The following ELOVL7 variants were observed in gnomAD, a reference collection of about 807,000 sequenced individuals.
ELOVL7 encodes ELOVL fatty acid elongase 7.
A neutral mutation model predicts 35.7 loss-of-function variants in ELOVL7; 27 were observed. The ratio of observed to expected loss-of-function variants is 0.76; its 90% CI spans 0.56 to 1.04. ELOVL7 has a LOEUF of 1.04. ELOVL7 is among the 50% of genes least tolerant of loss of function. ELOVL7 has a pLI of 0.00. For synonymous variants in ELOVL7, 113 were observed against 114.6 expected (o/e 0.99, Z 0.09); for missense variants, 327 against 340.8 (o/e 0.96, Z 0.32).
chr5:60,823,548 TAA>T (rs1236138723), intron 1 of ELOVL7, among the ~76,000 whole-genome samples: 1 of 152,122 alleles, frequency 6.6e-6, no homozygotes, highest in Non-Finnish European at 1.5e-5. Context: ...GACTAAAAAT[TAA>T]AGAGGATTCA....
Position 60,766,616 on chromosome 5 carries a change from G to A in ELOVL7, c.351C>T (p.Cys117=), listed in dbSNP as rs1226030294. The A allele has an allele frequency of 2.5e-6, 4 of 1,612,866 alleles. No individual in the cohort carries two copies. Among genetic ancestry groups the A allele is most frequent in the Non-Finnish European group, 3.4e-6 (4 of 1,179,374 alleles). The part of the protein sequence containing the change: ...SPTALRMART[C]WLYYFSKFIE... ...TAAATTTGGAGAAGTAATAAAGCCA[G>A]CAGGTACGTGCCATCTGCAGAAGCA... Residue 117 remains cysteine, a synonymous_variant, in exon 6 of 9, where the codon TGC becomes TGT. Transcript: ENST00000508821.
chr5:60,807,786 T>A (rs1745016290), intron 1 of ELOVL7, among the ~76,000 whole-genome samples: 2 of 151,208 alleles, frequency 1.3e-5, no homozygotes, highest in South Asian at 4.2e-4. Flanking sequence ...GATCACAAGG[T>A]CAGGAGATCG....
intron 8 of ELOVL7, among the ~76,000 whole-genome samples, chr5:60,755,354 T>C (rs1000946237): frequency 2.0e-5 from 3 of 152,188 alleles, no homozygotes; most frequent in Non-Finnish European, 2.9e-5. Context: ...TGTCCTCCAC[T>C]GTCACAGATA....
chr5:60,761,615 C>A (rs996960190), intron 7 of ELOVL7, among the ~76,000 whole-genome samples: 2 of 151,882 alleles, frequency 1.3e-5, no homozygotes, highest in African/African-American at 4.8e-5. Flanking sequence ...GAGATTGTGA[C>A]GGGTATTGAA....
chr5:60,756,875 T>C (rs2112119146), intron 8 of ELOVL7, among the ~76,000 whole-genome samples: 1 of 152,280 alleles, frequency 6.6e-6, no homozygotes, highest in East Asian at 1.9e-4. Flanking sequence ...CAAATCATCA[T>C]CTCAAACCCA....
intron 5 of ELOVL7, among the ~76,000 whole-genome samples, 198 bp from the exon 6 acceptor site, chr5:60,766,828 A>G (rs1051018514): frequency 6.6e-6 from 1 of 152,172 alleles, no homozygotes; most frequent in Non-Finnish European, 1.5e-5. Flanking sequence ...TTCATCTTGC[A>G]AAATTGAAGC....
chr5:60,771,045 G>A (rs1386342759), intron 4 of ELOVL7, among the ~76,000 whole-genome samples: 3 of 152,184 alleles, frequency 2.0e-5, no homozygotes, highest in Non-Finnish European at 2.9e-5. Flanking sequence ...TCTGTAGCAA[G>A]AGTCAGGTCA....
chr5:60,769,562 T>G (rs953655104), intron 4 of ELOVL7, among the ~76,000 whole-genome samples: 4 of 152,212 alleles, frequency 2.6e-5, no homozygotes, highest in Non-Finnish European at 5.9e-5. Flanking sequence ...ACATCATTGG[T>G]AGAGGTGTTT....
intron 1 of ELOVL7, among the ~76,000 whole-genome samples, chr5:60,819,780 T>A (rs768543954): frequency 7.9e-5 from 12 of 152,066 alleles, no homozygotes; most frequent in Non-Finnish European, 1.8e-4. Flanking sequence ...TGAGACTCTG[T>A]CTCGAGAGAA....
intron 6 of ELOVL7, among the ~76,000 whole-genome samples, chr5:60,765,626 G>C (rs1411529000): frequency 6.6e-6 from 1 of 152,088 alleles, no homozygotes. Flanking sequence ...CCCATCCAAG[G>C]CCTAGTGAAT....
chr5:60,774,914 C>T (rs1367535840), intron 3 of ELOVL7, among the ~76,000 whole-genome samples: 16 of 151,954 alleles, frequency 1.1e-4, no homozygotes, highest in Middle Eastern at 3.4e-3. Flanking sequence ...TACAGGTGCC[C>T]GCCACCATGC....
chr5:60,781,754 C>T (rs957236073), intron 3 of ELOVL7, among the ~76,000 whole-genome samples: 2 of 152,172 alleles, frequency 1.3e-5, no homozygotes, highest in African/African-American at 4.8e-5. Flanking sequence ...CAGCAAAACT[C>T]TGGAGTCAGA....
At position 60,752,895 on chromosome 5, in the gene ELOVL7, AT is replaced by A. The variant is rs1741344389; in HGVS notation, c.*1728del. The A allele has an allele frequency of 6.6e-6, 1 of 152,104 alleles. No homozygotes were observed. The highest frequency in any genetic ancestry group is 1.5e-5 in the Non-Finnish European group (1 of 68,038). 9.4% of individuals were successfully genotyped at this position (152,104 alleles called of 1,614,324 possible). Reference sequence around the variant, plus strand: ...GAGGCAGAGGTTGCAGTGAACCGAGATTGTGCCATTGCACTCTAGCCTGGGC... The same window carrying A: ...GAGGCAGAGGTTGCAGTGAACCGAGATGTGCCATTGCACTCTAGCCTGGGC... On this transcript the variant is annotated 3_prime_UTR_variant, in exon 9 of 9. Coordinates refer to ENST00000508821, the MANE Select transcript of ELOVL7 (RefSeq NM_024930.3).
chr5:60,769,135 G>T, intron 4 of ELOVL7, among the ~76,000 whole-genome samples: 1 of 152,234 alleles, frequency 6.6e-6, no homozygotes, highest in Middle Eastern at 3.4e-3. Context: ...ACTCAGAAAA[G>T]CACAAGATAT....
At chr5:60,814,214 T>C (rs1745394618) in intron 1 of ELOVL7, among the ~76,000 whole-genome samples, 1 of 152,178 alleles carries the variant, frequency 6.6e-6, no homozygotes, top group Non-Finnish European at 1.5e-5. Flanking sequence ...CTGAAAAGAA[T>C]AAAATTTTCA....
intron 1 of ELOVL7, among the ~76,000 whole-genome samples, chr5:60,806,724 T>G (rs1744947188): frequency 1.3e-5 from 2 of 152,142 alleles, no homozygotes; most frequent in South Asian, 4.1e-4. Flanking sequence ...TTGCGGTCTC[T>G]CTCCTTGGCT....
At chr5:60,789,022 T>A (rs1286445396) in intron 2 of ELOVL7, among the ~76,000 whole-genome samples, 1 of 152,080 alleles carries the variant, frequency 6.6e-6, no homozygotes, top group African/African-American at 2.4e-5. Flanking sequence ...CCAAGTGTTA[T>A]AATATAAACC....
chr5:60,824,855 CCTCA>C (rs1252879142), intron 1 of ELOVL7, among the ~76,000 whole-genome samples: 1 of 152,158 alleles, frequency 6.6e-6, no homozygotes, highest in Non-Finnish European at 1.5e-5. Flanking sequence ...TATTTTCCCA[CCTCA>C]CTCACAATAA....
chr5:60,812,319 T>C (rs1162687750), intron 1 of ELOVL7, among the ~76,000 whole-genome samples: 1 of 152,204 alleles, frequency 6.6e-6, no homozygotes, highest in Non-Finnish European at 1.5e-5. Context: ...AAGAGTTTCT[T>C]GCTGTTAAGT....
Sources: allele counts gnomAD v4.1 joint callset (sites outside exome capture counted in the v4.1 genomes callset), GRCh38; gene constraint gnomAD v4.1.1; transcripts MANE v1.5; gene names NCBI Gene and HGNC (gene_info 2026-07-23, HGNC 2026-07-21).